RETREG2: variants seen among roughly 807,000 people sequenced by gnomAD.
RETREG2 encodes the protein reticulophagy regulator 2.
Under a neutral mutation model 51.6 loss-of-function variants are expected in RETREG2, and 21 were observed. That is an observed-to-expected ratio of 0.41 (90% confidence interval 0.29 to 0.59). The LOEUF (loss-of-function observed/expected upper bound fraction) is 0.59. Among genes scored for constraint, RETREG2 ranks in the 20% least tolerant of loss-of-function variants. The probability of loss-of-function intolerance (pLI) is 0.34; values close to 1 mark genes in which losing one functional copy is unlikely to be tolerated. For missense variants in RETREG2, 674 were observed against 646.0 expected, an observed-to-expected ratio of 1.04 and a Z score of -0.47; for synonymous variants, 339 against 288.6, an observed-to-expected ratio of 1.17 and a Z score of -1.77.
At position 219,178,911 on chromosome 2, in the gene RETREG2, C is replaced by G; in HGVS notation, c.282-11C>G. The G allele has an allele frequency of 6.3e-7, 1 of 1,595,446 alleles. No homozygotes were observed. The highest frequency in any genetic ancestry group is 8.6e-7 in the Non-Finnish European group (1 of 1,164,762). ...ACCCACTCACTGCTGAGGTGCCTGTCTCTCCCTAAGGTTGCTGTCTTCCTC... is the reference window on the plus strand; with the variant it reads ...ACCCACTCACTGCTGAGGTGCCTGTGTCTCCCTAAGGTTGCTGTCTTCCTC... On this transcript the variant is annotated splice_polypyrimidine_tract_variant and intron_variant, in intron 1 of 8. Coordinates refer to ENST00000430297, the MANE Select transcript of RETREG2 (RefSeq NM_024293.6).
chr2:219,181,749 C>A lies in RETREG2; in HGVS notation c.989C>A (p.Thr330Asn). 1.2e-6 allele frequency: 2 copies of A among 1,613,990 alleles called. No individual in the cohort carries two copies. Among genetic ancestry groups the A allele is most frequent in the Non-Finnish European group, 1.7e-6 (2 of 1,180,002 alleles). ...SGGFSVSRAT[T>N]PQLTDVSEDL... ...GGCTTCTCCGTATCCCGGGCCACAA[C>A]TCCGCAGCTGACTGATGTCTCCGAG... is the stretch of plus-strand genomic sequence containing the variant. Residue 330 changes from threonine (T) to asparagine (N), a missense_variant, in exon 8 of 9, where the codon ACT becomes AAT. Coordinates refer to ENST00000430297, the MANE Select transcript of RETREG2 (RefSeq NM_024293.6).
chr2:219,178,916 C>T lies in RETREG2; in HGVS notation c.282-6C>T, dbSNP rs1314484396. 3 of 1,605,694 alleles carry T rather than the reference C, an allele frequency of 1.9e-6. No individual in the cohort carries two copies. The highest frequency in any genetic ancestry group is 2.2e-5 in the East Asian group (1 of 44,836). ...CTCACTGCTGAGGTGCCTGTCTCTC[C>T]CTAAGGTTGCTGTCTTCCTCGTCCC... is the stretch of plus-strand genomic sequence containing the variant. On this transcript the variant is annotated splice_region_variant and splice_polypyrimidine_tract_variant and intron_variant, in intron 1 of 8. Coordinates refer to ENST00000430297, the MANE Select transcript of RETREG2 (RefSeq NM_024293.6).
intron 7 of RETREG2, 75 bp downstream of exon 7, chr2:219,181,538 C>T: frequency 6.2e-7 from 1 of 1,600,782 alleles, no homozygotes; most frequent in Non-Finnish European, 8.5e-7. Context: ...GCTGCCACCT[C>T]CAAAGGAGGT....
chr2:219,180,959 A>G (rs895438586), intron 5 of RETREG2, 103 bp from the exon 6 acceptor site: 2 of 1,523,598 alleles, frequency 1.3e-6, no homozygotes. Flanking sequence ...AGCCTTGGGA[A>G]AGGACCTTGC....
Position 219,182,188 on chromosome 2 carries a change from C to A in RETREG2, c.1191C>A (p.Thr397=), listed in dbSNP as rs762582427. ...EEEEDVAAKE[T]LLRLSSPLHF... is the part of the protein sequence containing the mutation. ...AAGAGGATGTGGCAGCTAAGGAAAC[C>A]TTGTTGCGGCTCTCATCCCCCCTCC... Residue 397 remains threonine, a synonymous_variant, in exon 9 of 9, where the codon ACC becomes ACA. Transcript: ENST00000430297. 3 of 1,614,156 alleles carry A rather than the reference C, an allele frequency of 1.9e-6. No individual in the cohort carries two copies. The highest frequency in any genetic ancestry group is 2.5e-6 in the Non-Finnish European group (3 of 1,180,026).
intron 2 of RETREG2, 122 bp from the exon 3 acceptor site, chr2:219,179,611 C>T (rs1316662560): frequency 3.5e-6 from 3 of 855,228 alleles, no homozygotes; most frequent in Non-Finnish European, 4.0e-6. Context: ...TGTAACAGCT[C>T]CCCCATTGGC....
At chr2:219,181,883 C>G in intron 8 of RETREG2, 108 bp downstream of exon 8, 2 of 1,556,896 alleles carry the variant, frequency 1.3e-6, no homozygotes, top group Non-Finnish European at 1.7e-6. Flanking sequence ...CTCTCAGCTC[C>G]TAAAAGACCT....
chr2:219,181,472 C>T lies in RETREG2; in HGVS notation c.879+9C>T. On this transcript the variant is annotated intron_variant, in intron 7 of 8. Coordinates refer to ENST00000430297, the MANE Select transcript of RETREG2 (RefSeq NM_024293.6). ...CTGGCTTCTCCCCAGTGGTGAGGTC[C>T]AGGGAAAGCGGGGGTGTCAAATAGA... 1.2e-6 allele frequency: 2 copies of T among 1,613,744 alleles called. No individual in the cohort carries two copies. Among genetic ancestry groups the T allele is most frequent in the Non-Finnish European group, 1.7e-6 (2 of 1,179,754 alleles).
intron 6 of RETREG2, 39 bp downstream of exon 6, chr2:219,181,244 G>A (rs1950274571): frequency 8.1e-6 from 13 of 1,612,696 alleles, no homozygotes; most frequent in East Asian, 4.5e-5. Context: ...GAAAGAGCGG[G>A]AGGGCCTTGG....
rs1950263071 is a variant in RETREG2 at position 219,180,524 on chromosome 2, T to C, written c.556-146T>C. The C allele has an allele frequency of 1.3e-5, 18 of 1,388,098 alleles. No homozygotes were observed. The South Asian group carries it at 2.3e-4, about 18-fold the overall frequency. The allele number at this position is 1,388,098 out of a possible 1,614,324, so 86.0% of individuals were successfully genotyped here. ...TATTGCCAGCTTCCTGAATTGGTGG[T>C]CTTGAGCATCCTCTTAACCAAACTG... On this transcript the variant is annotated intron_variant, in intron 4 of 8. Coordinates refer to ENST00000430297, the MANE Select transcript of RETREG2 (RefSeq NM_024293.6).
In RETREG2 at chr2:219,179,038, T is replaced by C. The variant is rs577888287; in HGVS notation, c.388+10T>C. The C allele has an allele frequency of 5.0e-6, 8 of 1,591,140 alleles. No homozygotes were observed. The highest frequency in any genetic ancestry group is 6.9e-6 in the Non-Finnish European group (8 of 1,159,444). ...CTCCCTGACGTTTCAGGTGAGTGTT[T>C]CTTCATTCAGTAAGCACCCATTGGG... is the stretch of plus-strand genomic sequence containing the variant. On this transcript the variant is annotated intron_variant, in intron 2 of 8. Coordinates refer to ENST00000430297, the MANE Select transcript of RETREG2 (RefSeq NM_024293.6).
chr2:219,181,319 C>T (rs765628717), intron 6 of RETREG2, 50 bp from the exon 7 acceptor site: 13 of 1,606,634 alleles, frequency 8.1e-6, no homozygotes, highest in Middle Eastern at 1.6e-4. Context: ...GTTTGTCTCC[C>T]CTCCCATCAT....
intron 4 of RETREG2, 54 bp from the exon 5 acceptor site, chr2:219,180,616 G>T: frequency 6.2e-7 from 1 of 1,613,162 alleles, no homozygotes. Flanking sequence ...TTACCCAGCC[G>T]AGCGGGGCGC....
intron 7 of RETREG2, 25 bp downstream of exon 7, chr2:219,181,488 G>T (rs1950278392): frequency 6.2e-7 from 1 of 1,612,152 alleles, no homozygotes; most frequent in African/African-American, 1.3e-5. Flanking sequence ...AAGCGGGGGT[G>T]TCAAATAGAA....
rs1950311644 is a variant in RETREG2, at chr2:219,183,463, C to G, written c.*834C>G. The G allele has an allele frequency of 6.6e-6, 1 of 152,322 alleles. No individual in the cohort carries two copies. The highest frequency in any genetic ancestry group is 2.1e-4 in the South Asian group (1 of 4,828). The allele number at this position is 152,322 out of a possible 1,614,324, so 9.4% of individuals were successfully genotyped here. A position where few individuals can be genotyped will look rare whatever the true frequency, so the allele number is the denominator to read the frequency against. On this transcript the variant is annotated 3_prime_UTR_variant, in exon 9 of 9. Transcript: ENST00000430297. ...ACACTAACATCTGTGCAGGTGTTGA[C>G]TTGAAAAATAAAGTGTTGATTGGCT... is the stretch of plus-strand genomic sequence containing the variant.
At chr2:219,179,052 G>A in intron 2 of RETREG2, 24 bp downstream of exon 2, 1 of 1,541,306 alleles carries the variant, frequency 6.5e-7, no homozygotes, top group Non-Finnish European at 9.0e-7. Context: ...CATTCAGTAA[G>A]CACCCATTGG....
Position 219,182,634 on chromosome 2 carries a change from G to C in RETREG2, c.*5G>C. The C allele has an allele frequency of 6.2e-7, 1 of 1,612,686 alleles. No individual in the cohort carries two copies. The highest frequency in any genetic ancestry group is 8.5e-7 in the Non-Finnish European group (1 of 1,178,958). ...CAGGCCGTGGCAGAGCCATGAGCCA[G>C]CCGTTGAGGAAGGAGCTGCAGGCAC... On this transcript the variant is annotated 3_prime_UTR_variant, in exon 9 of 9. Transcript: ENST00000430297.
At chr2:219,181,805 C>T (rs779497795) in intron 8 of RETREG2, 30 bp downstream of exon 8, 6 of 1,607,040 alleles carry the variant, frequency 3.7e-6, no homozygotes, top group Non-Finnish European at 5.1e-6. Context: ...GCCCTGCTCC[C>T]CGCCACAATC....
At position 219,182,480 on chromosome 2, in the gene RETREG2, C is replaced by T. The variant is rs1280137078; in HGVS notation, c.1483C>T (p.Leu495=). The T allele has an allele frequency of 6.2e-7, 1 of 1,613,914 alleles. No individual in the cohort carries two copies. Among genetic ancestry groups the T allele is most frequent in the African/African-American group, 1.3e-5 (1 of 74,872 alleles). The change falls in exon 9 of 9, where the codon CTG becomes TTG. Residue 495 remains leucine (L), a synonymous_variant. Transcript: ENST00000430297. Reference sequence around the variant, plus strand: ...ACTCACCACTGAGGACTTTGAGTTGCTGGATCAGGGGGAGCTGGAGCAGCT... The same window carrying T: ...ACTCACCACTGAGGACTTTGAGTTGTTGGATCAGGGGGAGCTGGAGCAGCT... ...EALTTEDFEL[L]DQGELEQLNA...
Sources: allele counts gnomAD v4.1 joint callset, GRCh38; gene constraint gnomAD v4.1.1; transcripts MANE v1.5; gene names NCBI Gene and HGNC (gene_info 2026-07-23, HGNC 2026-07-21).